The following USP45 variants were observed in gnomAD, a reference collection of about 807,000 sequenced individuals.
USP45 encodes the protein ubiquitin specific peptidase 45, also known as ubiquitin carboxyl-terminal hydrolase 45.
In USP45, 89 loss-of-function variants were observed where a neutral mutation model predicts 95.8. The observed-to-expected ratio is 0.93, with a 90% CI of 0.78 to 1.11. The LOEUF (loss-of-function observed/expected upper bound fraction) is 1.11. Ranked by LOEUF, USP45 falls within the 50% of genes least tolerant of loss-of-function variation. The pLI is 0.00. For synonymous variants in USP45, 281 were observed against 316.2 expected (o/e 0.89, Z 1.18); for missense variants, 898 against 942.5 (o/e 0.95, Z 0.62).
upstream of USP45, among the ~76,000 whole-genome samples, chr6:99,517,184 G>A (rs1420351127): frequency 6.6e-6 from 1 of 150,492 alleles, no homozygotes; most frequent in African/African-American, 2.4e-5. Context: ...ACTACTTGAT[G>A]GATTATTCAA....
intron 13 of USP45, among the ~76,000 whole-genome samples, chr6:99,456,899 T>C (rs2128597325): frequency 6.6e-6 from 1 of 152,310 alleles, no homozygotes; most frequent in African/African-American, 2.4e-5. Context: ...ATGGGAGAAA[T>C]ATCGCTGAAT....
At chr6:99,451,370 A>G (rs1213258549) in intron 13 of USP45, among the ~76,000 whole-genome samples, 2 of 152,204 alleles carry the variant, frequency 1.3e-5, no homozygotes, top group Non-Finnish European at 2.9e-5. Context: ...AAAAATCACA[A>G]GCATTCTTAT....
intron 6 of USP45, 84 bp downstream of exon 6, chr6:99,488,597 C>A: frequency 7.2e-7 from 1 of 1,388,156 alleles, no homozygotes; most frequent in South Asian, 1.4e-5. Flanking sequence ...ATTTAGCAGT[C>A]ATTTGACAGT....
chr6:99,512,725 T>A (rs1020473914), intron 1 of USP45, among the ~76,000 whole-genome samples: 1 of 152,208 alleles, frequency 6.6e-6, no homozygotes, highest in South Asian at 2.1e-4. Context: ...ACTACTGAAC[T>A]AAGTTGCAAT....
chr6:99,445,696 C>T, intron 14 of USP45, 101 bp downstream of exon 14: 1 of 893,164 alleles, frequency 1.1e-6, no homozygotes, highest in East Asian at 2.7e-5. Flanking sequence ...CTAAGTAACA[C>T]AAGTATAGGG....
In USP45 at chr6:99,466,661, A is replaced by G. The variant is rs773039410; in HGVS notation, c.1107+11T>C. 6.2e-6 allele frequency: 10 copies of G among 1,603,278 alleles called. No homozygotes were observed. Among genetic ancestry groups the G allele is most frequent in the East Asian group, 2.2e-5 (1 of 44,684 alleles). ...TCCATTCCATGCTGAATTGAATTCTAAAGTACCTACATTTGCACATTCTTC... is the reference window on the plus strand; with the variant it reads ...TCCATTCCATGCTGAATTGAATTCTGAAGTACCTACATTTGCACATTCTTC... On this transcript the variant is annotated intron_variant, in intron 11 of 17. Transcript: ENST00000500704.
At chr6:99,486,575 A>C (rs775140940) in intron 7 of USP45, among the ~76,000 whole-genome samples, 4 of 151,352 alleles carry the variant, frequency 2.6e-5, no homozygotes, top group Admixed American at 2.0e-4. Context: ...ATATATACAT[A>C]TATATATGGT....
rs1354850024 is a variant in USP45, at chr6:99,468,149, T to TA, written c.1015+387dup. On this transcript the variant is annotated intron_variant, in intron 10 of 17. Transcript: ENST00000500704. ...TATTTGCAGGAGTCTTTGGAGCACTTAAACATTTTGTCTAGTTACATCTAA... is the reference window on the plus strand; with the variant it reads ...TATTTGCAGGAGTCTTTGGAGCACTTAAAACATTTTGTCTAGTTACATCTAA... 9.2e-5 allele frequency: 42 copies of TA among 455,974 alleles called. No homozygotes were observed. In the Admixed American group the frequency reaches 9.9e-4, roughly 11 times the overall value. The allele number at this position is 455,974 out of a possible 1,614,324, so 28.2% of individuals were successfully genotyped here. A position where few individuals can be genotyped will look rare whatever the true frequency, so the allele number is the denominator to read the frequency against.
At chr6:99,443,795 C>A (rs968043017) in intron 14 of USP45, 133 bp from the exon 15 acceptor site, 2 of 580,598 alleles carry the variant, frequency 3.4e-6, no homozygotes, top group Admixed American at 6.8e-5. Context: ...GATGAAAGGA[C>A]AGTCTTTACT....
chr6:99,461,834 T>C (rs1786529889), intron 13 of USP45: 1 of 982,742 alleles, frequency 1.0e-6, no homozygotes, highest in Admixed American at 6.2e-5. Context: ...AATATCTTTA[T>C]ACTCTTATTA....
chr6:99,500,482 A>G (rs1210800712), intron 5 of USP45, among the ~76,000 whole-genome samples: 2 of 152,100 alleles, frequency 1.3e-5, no homozygotes, highest in Non-Finnish European at 2.9e-5. Context: ...CTTTCTTATA[A>G]TACTTATTCA....
chr6:99,467,719 C>G (rs919658170), intron 10 of USP45, among the ~76,000 whole-genome samples: 1 of 151,996 alleles, frequency 6.6e-6, no homozygotes, highest in East Asian at 1.9e-4. Context: ...GGCACTATCT[C>G]AACACAAAAG....
intron 5 of USP45, among the ~76,000 whole-genome samples, chr6:99,500,312 T>C (rs527986497): frequency 2.0e-5 from 3 of 152,004 alleles, no homozygotes; most frequent in South Asian, 2.1e-4. Context: ...TTTAGTAGAG[T>C]TGGGGTTTCA....
intron 13 of USP45, among the ~76,000 whole-genome samples, chr6:99,453,142 G>A (rs573279921): frequency 2.2e-4 from 32 of 145,372 alleles, no homozygotes; most frequent in Non-Finnish European, 2.7e-4. Context: ...AAACCTGCAC[G>A]TTGTGCACAT....
chr6:99,460,861 C>T, intron 13 of USP45: 2 of 975,734 alleles, frequency 2.0e-6, no homozygotes, highest in Non-Finnish European at 2.4e-6. Context: ...TAAGATGGAA[C>T]ACAAAAATTA....
chr6:99,465,533 A>C (rs1390573847), intron 11 of USP45, among the ~76,000 whole-genome samples: 1 of 152,200 alleles, frequency 6.6e-6, no homozygotes, highest in East Asian at 1.9e-4. Context: ...TGTTTTATAG[A>C]TTCTTTAAGA....
At chr6:99,502,238 A>G (rs887619568) in intron 5 of USP45, among the ~76,000 whole-genome samples, 4 of 152,164 alleles carry the variant, frequency 2.6e-5, no homozygotes, top group African/African-American at 7.2e-5. Flanking sequence ...TTCCCTCTGG[A>G]GTGGACACAG....
At position 99,505,691 on chromosome 6, in the gene USP45, T is replaced by C. The variant is rs545305612; in HGVS notation, c.377+1737A>G. Among the ~76,000 whole-genome samples, 6 of 151,096 alleles carry C rather than the reference T, an allele frequency of 4.0e-5. No homozygotes were observed. In the South Asian group the frequency reaches 1.3e-3, roughly 32 times the overall value. ...TGCATTACACCAATGCTACATTACA[T>C]GTTCACAATCTTCTTACCCACCTTT... On this transcript the variant is annotated intron_variant, in intron 4 of 17. Transcript: ENST00000500704.
At chr6:99,504,878 C>T (rs1798163932) in intron 4 of USP45, among the ~76,000 whole-genome samples, 2 of 152,132 alleles carry the variant, frequency 1.3e-5, no homozygotes, top group South Asian at 2.1e-4. Flanking sequence ...AATCACAGAA[C>T]ATTAACAGTC....
Sources: allele counts gnomAD v4.1 joint callset (sites outside exome capture counted in the v4.1 genomes callset), GRCh38; gene constraint gnomAD v4.1.1; transcripts MANE v1.5; gene names NCBI Gene and HGNC (gene_info 2026-07-23, HGNC 2026-07-21).